CEP192: variants seen among roughly 807,000 people sequenced by gnomAD.
The protein encoded by CEP192 is centrosomal protein of 192 kDa.
CEP192 carries 151 observed loss-of-function variants against 271.8 expected under a neutral mutation model. The observed-to-expected ratio is 0.56, with a 90% CI of 0.49 to 0.64. The LOEUF is 0.64. Ranked by LOEUF, CEP192 falls within the 30% of genes least tolerant of loss-of-function variation. The pLI is 0.00. For missense variants in CEP192, 2,910 were observed against 3,020.5 expected (o/e 0.96, Z 0.86); for synonymous variants, 995 against 1,076.5 (o/e 0.92, Z 1.48).
intron 21 of CEP192, among the ~76,000 whole-genome samples, chr18:13,060,497 A>C: frequency 6.6e-6 from 1 of 152,184 alleles, no homozygotes; most frequent in Middle Eastern, 3.2e-3. Context: ...AAATTATACT[A>C]TGATGTTATG....
At chr18:13,055,728 GTTATA>G (rs2037058436) in intron 18 of CEP192, 47 bp from the exon 19 acceptor site, 6 of 1,229,060 alleles carry the variant, frequency 4.9e-6, no homozygotes, top group South Asian at 4.6e-5. Flanking sequence ...GTTTCAATTT[GTTATA>G]TTAAGTTTAT....
At chr18:13,108,554 G>T (rs1000384842) in intron 40 of CEP192, among the ~76,000 whole-genome samples, 1 of 152,150 alleles carries the variant, frequency 6.6e-6, no homozygotes, top group African/African-American at 2.4e-5. Context: ...CTGAAAAAAT[G>T]CTCCACATCA....
rs1440111419 is a variant in CEP192, at chr18:13,008,391, A to C, written c.291-65A>C. The C allele has an allele frequency of 2.0e-5, 22 of 1,115,076 alleles. No homozygotes were observed. In the Admixed American group the frequency reaches 4.8e-4, roughly 25 times the overall value. 69.1% of individuals were successfully genotyped at this position (1,115,076 alleles called of 1,614,324 possible). A position where few individuals can be genotyped will look rare whatever the true frequency, so the allele number is the denominator to read the frequency against. ...AGGTAAAATACATAACTGATTAATA[A>C]ATATTTTGTAGATTTACCCAAGGTA... On this transcript the variant is annotated intron_variant, in intron 3 of 44. Transcript: ENST00000506447.
At position 13,030,568 on chromosome 18, in the gene CEP192, G is replaced by C. The variant is rs1205528524; in HGVS notation, c.1494G>C (p.Val498=). ...TSFNSKQNLN[V]SLSDEMNEDF... ...TTAATAGCAAACAAAATTTAAATGT[G>C]TCTCTAAGTGATGAGATGAATGAAG... The change falls in exon 11 of 45, where the codon GTG becomes GTC. Residue 498 remains valine, a synonymous_variant. Coordinates refer to ENST00000506447, the MANE Select transcript of CEP192 (RefSeq NM_032142.4). 6.2e-7 allele frequency: 1 copy of C among 1,611,840 alleles called. No homozygotes were observed. Among genetic ancestry groups the C allele is most frequent in the Admixed American group, 1.7e-5 (1 of 60,010 alleles).
At chr18:13,121,353 T>C (rs1033464584) in intron 44 of CEP192, among the ~76,000 whole-genome samples, 2 of 152,184 alleles carry the variant, frequency 1.3e-5, no homozygotes, top group Non-Finnish European at 2.9e-5. Flanking sequence ...ATATGCACTT[T>C]TTCCAAGGCC....
At chr18:13,082,892 G>C (rs1201309544) in intron 30 of CEP192, among the ~76,000 whole-genome samples, 1 of 152,080 alleles carries the variant, frequency 6.6e-6, no homozygotes, top group African/African-American at 2.4e-5. Context: ...GCTTCGTTTG[G>C]CTGGATATGA....
In CEP192 at chr18:13,087,650, G is replaced by T. The variant is rs762030401; in HGVS notation, c.5993+4G>T. 1.1e-5 allele frequency: 15 copies of T among 1,409,620 alleles called. No individual in the cohort carries two copies. The highest frequency in any genetic ancestry group is 4.2e-5 in the Admixed American group (2 of 47,476). The allele number at this position is 1,409,620 out of a possible 1,614,324, so 87.3% of individuals were successfully genotyped here. On this transcript the variant is annotated splice_donor_region_variant and intron_variant, in intron 32 of 44. Coordinates refer to ENST00000506447, the MANE Select transcript of CEP192 (RefSeq NM_032142.4). Reference sequence around the variant, plus strand: ...TTTCAAGACAGCAGTATCGCAGGTAGATTACTTATCTTACACAATGTTGGG... The same window carrying T: ...TTTCAAGACAGCAGTATCGCAGGTATATTACTTATCTTACACAATGTTGGG...
chr18:13,123,041 A>G (rs188417907), intron 44 of CEP192, among the ~76,000 whole-genome samples: 268 of 152,322 alleles, frequency 1.8e-3, no homozygotes, highest in Non-Finnish European at 8.8e-4. Flanking sequence ...ATATACTTAA[A>G]TTTTCAGGTT....
intron 39 of CEP192, among the ~76,000 whole-genome samples, chr18:13,104,161 T>C (rs1445716877): frequency 6.6e-6 from 1 of 152,242 alleles, no homozygotes; most frequent in East Asian, 1.9e-4. Flanking sequence ...TTATCTGAAA[T>C]AACTTTATTT....
intron 11 of CEP192, among the ~76,000 whole-genome samples, chr18:13,030,954 AC>A (rs1223913452): frequency 1.3e-5 from 2 of 151,830 alleles, no homozygotes; most frequent in Non-Finnish European, 2.9e-5. Flanking sequence ...ATCAGCAGTT[AC>A]AAAAACCAGT....
chr18:13,030,274 G>A (rs76351595), intron 10 of CEP192, among the ~76,000 whole-genome samples, 191 bp from the exon 11 acceptor site: 2,019 of 152,136 alleles, frequency 0.013, 19 homozygotes, highest in Non-Finnish European at 0.022. Context: ...TGTGAGTAAG[G>A]CTGGCTTGCT....
chr18:13,074,616 C>T (rs1387850384), intron 30 of CEP192, among the ~76,000 whole-genome samples: 1 of 152,318 alleles, frequency 6.6e-6, no homozygotes, highest in African/African-American at 2.4e-5. Context: ...GAAGACAAAT[C>T]GGATCCTGGT....
chr18:12,997,808 T>A (rs926216007), intron 1 of CEP192, among the ~76,000 whole-genome samples: 1 of 152,148 alleles, frequency 6.6e-6, no homozygotes, highest in African/African-American at 2.4e-5. Flanking sequence ...CACTGCAACC[T>A]CCACCTCGCA....
chr18:13,021,245 GA>G (rs1215444487), intron 9 of CEP192, among the ~76,000 whole-genome samples: 2 of 152,142 alleles, frequency 1.3e-5, no homozygotes, highest in Non-Finnish European at 2.9e-5. Flanking sequence ...AGAAAAAAGG[GA>G]AAAAGAAAAC....
intron 14 of CEP192, 82 bp from the exon 15 acceptor site, chr18:13,042,122 C>G: frequency 8.7e-7 from 1 of 1,150,682 alleles, no homozygotes; most frequent in Admixed American, 2.3e-5. Flanking sequence ...GTAAATTAGT[C>G]ATTTTGCCTG....
intron 3 of CEP192, among the ~76,000 whole-genome samples, chr18:13,002,420 G>T (rs2033711510): frequency 6.6e-6 from 1 of 151,920 alleles, no homozygotes. Flanking sequence ...GTCTGTGTTG[G>T]TCATTTAGAT....
chr18:13,118,704 T>C (rs1341139515), intron 44 of CEP192, among the ~76,000 whole-genome samples: 1 of 152,174 alleles, frequency 6.6e-6, no homozygotes, highest in East Asian at 1.9e-4. Context: ...ATTTGTAAAA[T>C]GGAGATGCCA....
At chr18:13,097,528 G>C (rs770705751) in intron 36 of CEP192, among the ~76,000 whole-genome samples, 1 of 151,306 alleles carries the variant, frequency 6.6e-6, no homozygotes, top group Admixed American at 6.6e-5. Flanking sequence ...TTATTCTCAC[G>C]TGGCTCAGAG....
chr18:13,031,213 C>G (rs2035601514), intron 11 of CEP192, among the ~76,000 whole-genome samples: 1 of 149,890 alleles, frequency 6.7e-6, no homozygotes, highest in Admixed American at 6.6e-5. Flanking sequence ...CCACGCTGCT[C>G]AGGGGCCTGT....
Sources: gnomAD v4.1 joint callset for allele counts (sites outside exome capture counted in the v4.1 genomes callset) on GRCh38, gnomAD v4.1.1 for gene constraint, MANE v1.5 for transcripts, NCBI Gene and HGNC (gene_info 2026-07-23, HGNC 2026-07-21) for gene names.